The following EVC2 variants were observed in gnomAD, a reference collection of about 807,000 sequenced individuals.
The protein encoded by EVC2 is EvC ciliary complex subunit 2.
In EVC2, 148 loss-of-function variants were observed where a neutral mutation model predicts 149.3. That is an observed-to-expected ratio of 0.99 (90% confidence interval 0.87 to 1.14). The LOEUF (loss-of-function observed/expected upper bound fraction) is 1.14, where lower values mean the gene tolerates loss of function less well. Ranked by LOEUF, EVC2 falls within the 50% of genes most tolerant of loss-of-function variation. The pLI, the probability that EVC2 is intolerant of heterozygous loss-of-function variation, is 0.00. For synonymous variants in EVC2, 776 were observed against 649.9 expected, an observed-to-expected ratio of 1.19 and a Z score of -2.95; for missense variants, 1,854 against 1,627.3, an observed-to-expected ratio of 1.14 and a Z score of -2.40.
At chr4:5,594,723 T>A (rs1197176735) in intron 16 of EVC2, among the ~76,000 whole-genome samples, 1 of 152,176 alleles carries the variant, frequency 6.6e-6, no homozygotes, top group Non-Finnish European at 1.5e-5. Flanking sequence ...GGAGGGAGAA[T>A]GACTTGGACG....
rs1023733507 is a variant in EVC2 at position 5,618,268 on chromosome 4, C to G, written c.2706+210G>C. ...AACAGCCCAGGCAACAGGATCAGGG[C>G]ACAGCACCAGCAGTGTCCACTATAG... On this transcript the variant is annotated intron_variant, in intron 15 of 21. Transcript: ENST00000344408. This position sits in a 1 kb window ranked among gnomAD's most constrained non-coding sequence, Gnocchi z 4.4. Among the ~76,000 whole-genome samples, 1 of 152,184 alleles carries G rather than the reference C, an allele frequency of 6.6e-6. No individual in the cohort carries two copies. The highest frequency in any genetic ancestry group is 2.4e-5 in the African/African-American group (1 of 41,442).
chr4:5,603,417 T>A (rs936103134), intron 16 of EVC2, among the ~76,000 whole-genome samples: 19 of 152,194 alleles, frequency 1.2e-4, no homozygotes, highest in Admixed American at 8.5e-4. Context: ...CTAAATGGAT[T>A]CCCTTTCAAC....
At chr4:5,639,750 C>T (rs1219304760) in intron 10 of EVC2, among the ~76,000 whole-genome samples, 1 of 152,234 alleles carries the variant, frequency 6.6e-6, no homozygotes, top group Non-Finnish European at 1.5e-5. Flanking sequence ...TTCTGTGAAC[C>T]ATGCCCTCTA....
At position 5,628,576 on chromosome 4, in the gene EVC2, G is replaced by T. The variant is rs557920458; in HGVS notation, c.1869C>A (p.Leu623=). The change falls in exon 12 of 22, where the codon CTC becomes CTA. Residue 623 remains leucine (L), a synonymous_variant. Transcript: ENST00000344408. The part of the protein sequence containing the change: ...LSTAAAQLTH[L]IQKHERAGYL... ...AGTGGTACCTCTCGTGCTTCTGAAT[G>T]AGGTGAGTCAGCTGGGCTGCAGCGG... 1 of 1,614,110 alleles carries T rather than the reference G, an allele frequency of 6.2e-7. No homozygotes were observed. Among genetic ancestry groups the T allele is most frequent in the African/African-American group, 1.3e-5 (1 of 75,020 alleles).
At chr4:5,603,904 C>T (rs1329390983) in intron 16 of EVC2, among the ~76,000 whole-genome samples, 2 of 152,220 alleles carry the variant, frequency 1.3e-5, no homozygotes, top group East Asian at 1.9e-4. Context: ...ACAAGAATCA[C>T]ACCAAAGAGG....
intron 10 of EVC2, among the ~76,000 whole-genome samples, chr4:5,638,472 G>A (rs1282167591): frequency 5.9e-5 from 9 of 151,910 alleles, no homozygotes; most frequent in African/African-American, 1.5e-4. Context: ...CTGAATCACC[G>A]AACAGTGCAT....
intron 16 of EVC2, among the ~76,000 whole-genome samples, chr4:5,604,445 A>T (rs1714229719): frequency 6.6e-6 from 1 of 152,234 alleles, no homozygotes; most frequent in Non-Finnish European, 1.5e-5. Context: ...GAAATAAGGC[A>T]GCCACAGAAA....
downstream of EVC2, among the ~76,000 whole-genome samples, chr4:5,560,874 A>T (rs1412876384): frequency 1.3e-5 from 2 of 152,104 alleles, no homozygotes; most frequent in Non-Finnish European, 2.9e-5. This position sits in a 1 kb window ranked among gnomAD's most constrained non-coding sequence, Gnocchi z 4.1. Context: ...CACAGTTTAA[A>T]CCTGGTCTAT....
chr4:5,581,079 T>A (rs1711723074), intron 17 of EVC2, among the ~76,000 whole-genome samples: 1 of 152,248 alleles, frequency 6.6e-6, no homozygotes, highest in Non-Finnish European at 1.5e-5. Context: ...GCTGAGCAGA[T>A]GCATCATGCT....
intron 20 of EVC2, 65 bp downstream of exon 20, chr4:5,568,379 A>C: frequency 6.8e-7 from 1 of 1,472,746 alleles, no homozygotes; most frequent in East Asian, 2.5e-5. Context: ...CATGACCTTG[A>C]GGACTCATGG....
chr4:5,587,695 C>G (rs567193635), intron 16 of EVC2, among the ~76,000 whole-genome samples: 1 of 152,258 alleles, frequency 6.6e-6, no homozygotes, highest in East Asian at 1.9e-4. Context: ...CCCGAGTGAG[C>G]AATTCCTGTC....
At chr4:5,615,709 G>A (rs1715197705) in intron 15 of EVC2, among the ~76,000 whole-genome samples, 165 bp from the exon 16 acceptor site, 4 of 152,168 alleles carry the variant, frequency 2.6e-5, no homozygotes, top group Admixed American at 2.6e-4. Context: ...CTTCTGGAAG[G>A]AGCTCAGTTT....
rs1180356629 is a variant in EVC2, at chr4:5,589,104, T to C, written c.2830-4254A>G. Among the ~76,000 whole-genome samples the C allele has an allele frequency of 5.3e-5, 8 of 152,234 alleles. No homozygotes were observed. In the East Asian group the frequency reaches 1.5e-3, roughly 29 times the overall value. Reference sequence around the variant, plus strand: ...ACAATGTAAATTCTACCTTGTTGGGTCCTAGATATTTTTGTGTTTCTATAA... The same window carrying C: ...ACAATGTAAATTCTACCTTGTTGGGCCCTAGATATTTTTGTGTTTCTATAA... On this transcript the variant is annotated intron_variant, in intron 16 of 21. Coordinates refer to ENST00000344408, the MANE Select transcript of EVC2 (RefSeq NM_147127.5).
intron 1 of EVC2, among the ~76,000 whole-genome samples, chr4:5,698,130 T>G (rs1721603147): frequency 6.6e-6 from 1 of 152,132 alleles, no homozygotes. Flanking sequence ...AGTAAAGAAT[T>G]CCCTTCTCTT....
At position 5,556,881 on chromosome 4, in the gene EVC2, G is replaced by T. The variant is rs115354663; in HGVS notation, c.3419+8377C>A. On this transcript the variant is annotated intron_variant and NMD_transcript_variant, in intron 21 of 22. Coordinates refer to the EVC2 transcript ENST00000475313. ...GACAAACTACAAAAATTCACACAAC[G>T]TGAAGGAGATAACCTAAATAAACCA... 6.1e-3 allele frequency among the ~76,000 whole-genome samples: 925 copies of T among 151,450 alleles called. 9 individuals are homozygous for T. Among genetic ancestry groups the T allele is most frequent in the African/African-American group, 0.021 (879 of 41,334 alleles).
chr4:5,572,357 GA>G (rs1293842614), intron 19 of EVC2, among the ~76,000 whole-genome samples: 1 of 152,138 alleles, frequency 6.6e-6, no homozygotes, highest in Non-Finnish European at 1.5e-5. Flanking sequence ...CCACTATTAG[GA>G]AGGGGGGCCT....
chr4:5,646,869 A>T (rs1311896684), intron 9 of EVC2, among the ~76,000 whole-genome samples: 1 of 152,218 alleles, frequency 6.6e-6, no homozygotes, highest in East Asian at 1.9e-4. Flanking sequence ...GGTAAATTAC[A>T]AATGGATGGG....
chr4:5,610,273 G>A (rs557612496), intron 16 of EVC2, among the ~76,000 whole-genome samples: 45 of 152,176 alleles, frequency 3.0e-4, no homozygotes, highest in African/African-American at 9.9e-4. Context: ...TACCTCTATC[G>A]TATGCATATA....
At position 5,686,914 on chromosome 4, in the gene EVC2, A is replaced by G. The variant is rs1170098707; in HGVS notation, c.707-1435T>C. On this transcript the variant is annotated intron_variant, in intron 5 of 21. Coordinates refer to ENST00000344408, the MANE Select transcript of EVC2 (RefSeq NM_147127.5). The surrounding 1 kb of genome is among the most constrained non-coding windows in gnomAD (Gnocchi z 5.4). ...AGGGAATGTAGAGCCCAGTAGGTAG[A>G]GCTAAGCATGGGCATAAATAACAAG... Among the ~76,000 whole-genome samples, 2 of 152,184 alleles carry G rather than the reference A, an allele frequency of 1.3e-5. No homozygotes were observed. The highest frequency in any genetic ancestry group is 2.9e-5 in the Non-Finnish European group (2 of 68,032).
Sources: allele counts gnomAD v4.1 joint callset (sites outside exome capture counted in the v4.1 genomes callset), GRCh38; gene constraint gnomAD v4.1.1; non-coding constraint Gnocchi (gnomAD v3.1); transcripts MANE v1.5; gene names NCBI Gene and HGNC (gene_info 2026-07-23, HGNC 2026-07-21).